Variants in SIPA1L3 observed in about 807,000 individuals in gnomAD.
SIPA1L3 encodes the protein signal-induced proliferation-associated 1-like protein 3.
SIPA1L3 carries 59 observed loss-of-function variants against 150.1 expected under a neutral mutation model. The ratio of observed to expected loss-of-function variants is 0.39; its 90% CI spans 0.32 to 0.49. The LOEUF (loss-of-function observed/expected upper bound fraction) is 0.49, where lower values mean the gene tolerates loss of function less well. SIPA1L3 is among the 20% of genes least tolerant of loss of function. The pLI, the probability that SIPA1L3 is intolerant of heterozygous loss-of-function variation, is 0.86. For missense variants in SIPA1L3, 2,211 were observed against 2,489.5 expected (o/e 0.89, Z 2.38); for synonymous variants, 1,070 against 1,077.6 (o/e 0.99, Z 0.14).
At chr19:38,051,870 C>T (rs182488202) in intron 2 of SIPA1L3, among the ~76,000 whole-genome samples, 103 of 152,222 alleles carry the variant, frequency 6.8e-4, no homozygotes, top group South Asian at 2.1e-4. Flanking sequence ...ATGCTGGGAT[C>T]GCAGGCGTGA....
Position 38,031,166 on chromosome 19 carries a change from T to C in SIPA1L3, c.-311+2010T>C, listed in dbSNP as rs80008928. On this transcript the variant is annotated intron_variant, in intron 2 of 21. Transcript: ENST00000222345. Reference sequence around the variant, plus strand: ...AGTGATTTTAGAGTTATAAAAAAGTTGTGAAAATGGTTACAAAGTTCACAT... The same window carrying C: ...AGTGATTTTAGAGTTATAAAAAAGTCGTGAAAATGGTTACAAAGTTCACAT... 5.8e-3 allele frequency among the ~76,000 whole-genome samples: 878 copies of C among 152,316 alleles called. 31 individuals carry two copies. The South Asian group carries it at 0.11, about 20-fold the overall frequency.
At position 38,119,664 on chromosome 19, in the gene SIPA1L3, G is replaced by T; in HGVS notation, c.2650G>T (p.Val884Leu). 6.2e-7 allele frequency: 1 copy of T among 1,614,210 alleles called. No homozygotes were observed. The highest frequency in any genetic ancestry group is 1.1e-5 in the South Asian group (1 of 91,088). ...GGTGGCCCAGGACTACGCCCAGGGG[G>T]TGGAAATCGACTGCATTTTGGGAAT... ...RVVAQDYAQG[V>L]EIDCILGISN... Residue 884 changes from valine to leucine, a missense_variant, in exon 9 of 22, where the codon GTG (valine) becomes TTG (leucine). By Grantham distance (32) the Val-to-Leu change is conservative. Coordinates refer to ENST00000222345, the MANE Select transcript of SIPA1L3 (RefSeq NM_015073.3).
intron 2 of SIPA1L3, among the ~76,000 whole-genome samples, chr19:38,057,362 GTA>G (rs1019226616): frequency 6.6e-6 from 1 of 150,842 alleles, no homozygotes; most frequent in African/African-American, 2.4e-5. Context: ...GTATATATAT[GTA>G]TATATATGGG....
chr19:38,106,643 C>A lies in SIPA1L3; in HGVS notation c.2133+3C>A. The A allele has an allele frequency of 6.2e-7, 1 of 1,600,002 alleles. No homozygotes were observed. ...ACACCCCCAACAACAGGCAGCAGGT[C>A]AGTGATTTTCAGCAGAGGCACGGCT... On this transcript the variant is annotated splice_donor_region_variant and intron_variant, in intron 7 of 21. Coordinates refer to ENST00000222345, the MANE Select transcript of SIPA1L3 (RefSeq NM_015073.3).
chr19:38,098,337 A>G (rs1654367), intron 4 of SIPA1L3, among the ~76,000 whole-genome samples: 24,126 of 150,880 alleles, frequency 0.16, 2,031 homozygotes, highest in African/African-American at 0.21. Flanking sequence ...CAAACATTTC[A>G]TTCTCATACC....
intron 3 of SIPA1L3, among the ~76,000 whole-genome samples, chr19:38,085,719 C>T (rs559754890): frequency 4.6e-5 from 7 of 152,198 alleles, no homozygotes; most frequent in African/African-American, 9.7e-5. Flanking sequence ...GCTGGCTGAG[C>T]GCATTGGCTC....
intron 2 of SIPA1L3, among the ~76,000 whole-genome samples, chr19:38,060,008 C>T (rs1051402292): frequency 6.6e-5 from 10 of 152,204 alleles, no homozygotes; most frequent in Admixed American, 6.5e-5. Flanking sequence ...CTTCTGAGCT[C>T]AGGTAACCCG....
chr19:38,056,075 G>A (rs1969307668), intron 2 of SIPA1L3, among the ~76,000 whole-genome samples: 1 of 152,190 alleles, frequency 6.6e-6, no homozygotes, highest in Admixed American at 6.5e-5. Flanking sequence ...GCGGCTCTGC[G>A]GCCAGCATCT....
At chr19:38,104,743 G>A (rs1418350945) in intron 6 of SIPA1L3, among the ~76,000 whole-genome samples, 1 of 151,872 alleles carries the variant, frequency 6.6e-6, no homozygotes. Context: ...AACTAATTGT[G>A]TACTTTTAGT....
At chr19:38,101,280 C>T (rs1015547543) in intron 6 of SIPA1L3, 54 bp downstream of exon 6, 8 of 1,318,354 alleles carry the variant, frequency 6.1e-6, no homozygotes, top group Non-Finnish European at 7.0e-6. Context: ...TCCTACTCAA[C>T]AGGCAAAGCT....
At chr19:37,968,144 G>A (rs988254085) in intron 1 of SIPA1L3, among the ~76,000 whole-genome samples, 1 of 135,718 alleles carries the variant, frequency 7.4e-6, no homozygotes, top group African/African-American at 2.9e-5. Flanking sequence ...CGCGATCTCA[G>A]CTCATGCAAC....
chr19:38,076,313 C>A (rs1038539800), intron 2 of SIPA1L3, among the ~76,000 whole-genome samples: 1 of 151,968 alleles, frequency 6.6e-6, no homozygotes, highest in Admixed American at 6.6e-5. Flanking sequence ...TCAAAACTTA[C>A]ACACACACAA....
At chr19:38,141,620 T>C (rs1286255915) in intron 11 of SIPA1L3, among the ~76,000 whole-genome samples, 185 bp downstream of exon 11, 1 of 152,050 alleles carries the variant, frequency 6.6e-6, no homozygotes, top group Non-Finnish European at 1.5e-5. Flanking sequence ...ACCGTTGGCC[T>C]CTTGTCTGGG....
chr19:38,033,381 T>C (rs1289357779), intron 2 of SIPA1L3, among the ~76,000 whole-genome samples: 1 of 152,218 alleles, frequency 6.6e-6, no homozygotes, highest in East Asian at 1.9e-4. Flanking sequence ...TCTTTTTAAA[T>C]ATATAAAGCT....
chr19:38,141,854 C>T (rs1382979666), intron 11 of SIPA1L3, among the ~76,000 whole-genome samples: 1 of 152,178 alleles, frequency 6.6e-6, no homozygotes, highest in Non-Finnish European at 1.5e-5. Context: ...GTGTGATGCA[C>T]ACCTGTGGTC....
rs1031653334 is a variant in SIPA1L3, at chr19:38,207,155, G to A, written c.*915G>A. On this transcript the variant is annotated 3_prime_UTR_variant, in exon 22 of 22. Transcript: ENST00000222345. Reference sequence around the variant, plus strand: ...TCGGCCTCTTCTGGGTTCCAGGAGGGGCTCCCGAAGCCCTCAGGACAGGGC... The same window carrying A: ...TCGGCCTCTTCTGGGTTCCAGGAGGAGCTCCCGAAGCCCTCAGGACAGGGC... 6.6e-6 allele frequency: 1 copy of A among 151,976 alleles called. No homozygotes were observed. Among genetic ancestry groups the A allele is most frequent in the African/African-American group, 2.4e-5 (1 of 41,364 alleles). 9.4% of individuals were successfully genotyped at this position (151,976 alleles called of 1,614,324 possible).
At chr19:38,073,341 C>T (rs1969763200) in intron 2 of SIPA1L3, among the ~76,000 whole-genome samples, 1 of 152,180 alleles carries the variant, frequency 6.6e-6, no homozygotes, top group Admixed American at 6.5e-5. Context: ...AGCTTTCCCA[C>T]CAGGCCTGGA....
At position 38,082,941 on chromosome 19, in the gene SIPA1L3, T is replaced by G. The variant is rs1970041010; in HGVS notation, c.1376T>G (p.Leu459Arg). Reference protein sequence around the residue: ...VGSPSSGEGHLAEPALSAYRT... With the variant: ...VGSPSSGEGHRAEPALSAYRT... ...TCCCCGAGCAGCGGCGAGGGCCACC[T>G]GGCAGAGCCCGCCCTGAGCGCCTAC... Residue 459 changes from leucine to arginine, a missense_variant, in exon 3 of 22, where the codon CTG becomes CGG. Physicochemically the swap from Leu to Arg is moderately radical, Grantham distance 102. This residue lies in a region of SIPA1L3 where 587 missense variants were observed against 534.5 expected (regional missense o/e 1.10). Coordinates refer to ENST00000222345, the MANE Select transcript of SIPA1L3 (RefSeq NM_015073.3). The G allele has an allele frequency of 1.2e-6, 2 of 1,613,060 alleles. No individual in the cohort carries two copies. Among genetic ancestry groups the G allele is most frequent in the South Asian group, 2.2e-5 (2 of 91,066 alleles).
intron 17 of SIPA1L3, 70 bp from the exon 18 acceptor site, chr19:38,193,467 A>C (rs963700826): frequency 1.1e-5 from 16 of 1,394,886 alleles, no homozygotes; most frequent in Non-Finnish European, 1.4e-5. Flanking sequence ...CTAGAGGGGA[A>C]GATGCCTCTG....
Sources: gnomAD v4.1 joint callset for allele counts (sites outside exome capture counted in the v4.1 genomes callset) on GRCh38, gnomAD v4.1.1 for gene constraint, gnomAD v4.1.1 regional missense constraint, MANE v1.5 for transcripts, NCBI Gene and HGNC (gene_info 2026-07-23, HGNC 2026-07-21) for gene names.